The following SRCIN1 variants were observed in gnomAD, a reference collection of about 807,000 sequenced individuals.
SRCIN1 encodes SRC kinase signaling inhibitor 1.
SRCIN1 carries 50 observed loss-of-function variants against 116.2 expected under a neutral mutation model. That is an observed-to-expected ratio of 0.43 (90% CI 0.34 to 0.54). The LOEUF is 0.54. SRCIN1 is among the 20% of genes least tolerant of loss of function. The pLI is 0.02. For missense variants in SRCIN1, 1,446 were observed against 1,672.0 expected, an observed-to-expected ratio of 0.86 and a Z score of 2.36; for synonymous variants, 736 against 750.0, an observed-to-expected ratio of 0.98 and a Z score of 0.30.
At chr17:38,588,543 C>G (rs1194084484) in intron 1 of SRCIN1, among the ~76,000 whole-genome samples, 1 of 142,966 alleles carries the variant, frequency 7.0e-6, no homozygotes, top group Non-Finnish European at 1.5e-5. Context: ...GGGAGGAAGG[C>G]CGGTGCCTGT....
intron 2 of SRCIN1, among the ~76,000 whole-genome samples, chr17:38,576,112 T>A (rs576442454): frequency 1.6e-3 from 238 of 152,232 alleles, no homozygotes; most frequent in African/African-American, 5.3e-3. Flanking sequence ...CCCTTAGACA[T>A]GCCTATGCCT....
chr17:38,576,445 T>C (rs1209806049), intron 2 of SRCIN1, among the ~76,000 whole-genome samples: 1 of 152,022 alleles, frequency 6.6e-6, no homozygotes, highest in Non-Finnish European at 1.5e-5. Flanking sequence ...ATGTAGAACA[T>C]TCCTGGTCCC....
chr17:38,548,933 C>T, intron 16 of SRCIN1, 123 bp downstream of exon 16: 2 of 1,305,028 alleles, frequency 1.5e-6, no homozygotes, highest in Non-Finnish European at 2.1e-6. Context: ...CCGGCCACTC[C>T]CTCTTTCCTT....
chr17:38,535,358 G>A (rs960667745), intron 18 of SRCIN1, among the ~76,000 whole-genome samples: 4 of 151,854 alleles, frequency 2.6e-5, no homozygotes, highest in Non-Finnish European at 5.9e-5. Flanking sequence ...ACAGGCATGC[G>A]CCACCACGCC....
chr17:38,591,361 C>T (rs553886299), intron 1 of SRCIN1, among the ~76,000 whole-genome samples: 66 of 152,266 alleles, frequency 4.3e-4, no homozygotes, highest in South Asian at 1.0e-3. Context: ...TGAACCGGAA[C>T]CTTCTGTCAT....
At chr17:38,605,994 C>CGCGCGCGCGGCGCGG (rs917415957), upstream of SRCIN1, 1 of 138,394 alleles carries the variant, frequency 7.2e-6, no homozygotes, top group Non-Finnish European at 1.6e-5. Flanking sequence ...TGCGGGCGGG[C>CGCGCGCGCGGCGCGG]GCGCGCGCGG....
At chr17:38,603,044 A>G (rs1183544673) in intron 1 of SRCIN1, among the ~76,000 whole-genome samples, 1 of 152,200 alleles carries the variant, frequency 6.6e-6, no homozygotes, top group Non-Finnish European at 1.5e-5. Flanking sequence ...CAAGGTTGGC[A>G]TAGGCAGATG....
rs905528296 is a variant in SRCIN1 at position 38,531,458 on chromosome 17, T to C, written c.*1839A>G. ...GTATATTATATATATAATATGTAAA[T>C]ATATTTTTAAAACAATATAAAATGT... On this transcript the variant is annotated 3_prime_UTR_variant, in exon 19 of 19. Transcript: ENST00000617146. 2 of 147,018 alleles carry C rather than the reference T, an allele frequency of 1.4e-5. No homozygotes were observed. The highest frequency in any genetic ancestry group is 1.4e-4 in the Admixed American group (2 of 14,648). 9.1% of individuals were successfully genotyped at this position (147,018 alleles called of 1,614,324 possible). A position where few individuals can be genotyped will look rare whatever the true frequency, so the allele number is the denominator to read the frequency against.
At position 38,558,363 on chromosome 17, in the gene SRCIN1, T is replaced by C. The variant is rs1361981960; in HGVS notation, c.2065A>G (p.Thr689Ala). 3 of 1,607,344 alleles carry C rather than the reference T, an allele frequency of 1.9e-6. No homozygotes were observed. In the South Asian group the frequency reaches 3.3e-5, roughly 18 times the overall value. The change falls in exon 11 of 19, where the codon ACG becomes GCG. Residue 689 changes from threonine (T) to alanine (A), a missense_variant. Physicochemically the swap from Thr to Ala is moderately conservative, Grantham distance 58. This residue lies in a region of SRCIN1 where 398 missense variants were observed against 385.6 expected (regional missense o/e 1.03). Transcript: ENST00000617146. The surrounding 1 kb of genome is among the most constrained non-coding windows in gnomAD (Gnocchi z 4.6). ...QESVRALLKR[T>A]EAELSMRVSE... Reference sequence around the variant, plus strand: ...ACGCGCATGCTCAGCTCTGCCTCCGTGCGCTTCAGCAGCGCGCGCACCGAC... The same window carrying C: ...ACGCGCATGCTCAGCTCTGCCTCCGCGCGCTTCAGCAGCGCGCGCACCGAC...
At chr17:38,540,375 TGAAG>T (rs1904652188) in intron 18 of SRCIN1, among the ~76,000 whole-genome samples, 1 of 152,208 alleles carries the variant, frequency 6.6e-6, no homozygotes, top group Non-Finnish European at 1.5e-5. Context: ...ACTCACTGGA[TGAAG>T]GAGAGGCCTT....
intron 15 of SRCIN1, among the ~76,000 whole-genome samples, chr17:38,550,499 C>CAATA (rs35376684): frequency 0.075 from 11,348 of 151,776 alleles, 426 homozygotes; most frequent in Middle Eastern, 0.092. Context: ...GTCTCAAAAA[C>CAATA]AATAAATAAA....
rs887817155 is a variant in SRCIN1 at position 38,544,079 on chromosome 17, T to C, written c.3271-110A>G. 236 of 1,334,676 alleles carry C rather than the reference T, an allele frequency of 1.8e-4. 2 individuals are homozygous for C. The highest frequency in any genetic ancestry group is 6.4e-5 in the Non-Finnish European group (64 of 1,001,240). The allele number at this position is 1,334,676 out of a possible 1,614,324, so 82.7% of individuals were successfully genotyped here. A position where few individuals can be genotyped will look rare whatever the true frequency, so the allele number is the denominator to read the frequency against. On this transcript the variant is annotated intron_variant, in intron 17 of 18. Transcript: ENST00000617146. The surrounding 1 kb of genome is among the most constrained non-coding windows in gnomAD (Gnocchi z 4.5). ...GGCTGGGACCTCCTCAGTGGGGCCCTTTGAGACCTGGAGACCCCTCTCTAG... is the reference window on the plus strand; with the variant it reads ...GGCTGGGACCTCCTCAGTGGGGCCCCTTGAGACCTGGAGACCCCTCTCTAG...
intron 1 of SRCIN1, among the ~76,000 whole-genome samples, chr17:38,580,572 G>A (rs1235003284): frequency 6.6e-6 from 1 of 152,220 alleles, no homozygotes; most frequent in Non-Finnish European, 1.5e-5. Flanking sequence ...CTGAATGGAA[G>A]AGGCCTGATT....
chr17:38,544,412 T>C lies in SRCIN1; in HGVS notation c.3271-443A>G, dbSNP rs551841941. The stretch of plus-strand genomic sequence containing the variant: ...CAGCCCCAGGCCCACATCCTCCTCC[T>C]AAGGGGAGGATGCAGGTGAGGTCTC... On this transcript the variant is annotated intron_variant, in intron 17 of 18. Transcript: ENST00000617146. The surrounding 1 kb of genome is among the most constrained non-coding windows in gnomAD (Gnocchi z 4.5). Among the ~76,000 whole-genome samples, 56 of 152,112 alleles carry C rather than the reference T, an allele frequency of 3.7e-4. No individual in the cohort carries two copies. The Middle Eastern group carries it at 0.01, about 28-fold the overall frequency.
rs2040932940 is a variant in SRCIN1, at chr17:38,532,278, C to T, written c.*1019G>A. 1 of 152,572 alleles carries T rather than the reference C, an allele frequency of 6.6e-6. No homozygotes were observed. Among genetic ancestry groups the T allele is most frequent in the Non-Finnish European group, 1.5e-5 (1 of 68,072 alleles). The allele number at this position is 152,572 out of a possible 1,614,324, so 9.5% of individuals were successfully genotyped here. A position where few individuals can be genotyped will look rare whatever the true frequency, so the allele number is the denominator to read the frequency against. ...GGTCCCAGGTGTCTTCAGTGCTCCC[C>T]GTCAAGCCCCTCTCGACCCTCCCAT... On this transcript the variant is annotated 3_prime_UTR_variant, in exon 19 of 19. Coordinates refer to ENST00000617146, the MANE Select transcript of SRCIN1 (RefSeq NM_025248.3). The surrounding 1 kb of genome is among the most constrained non-coding windows in gnomAD (Gnocchi z 4.3).
intron 11 of SRCIN1, among the ~76,000 whole-genome samples, chr17:38,553,210 T>C (rs1905562784): frequency 6.6e-6 from 1 of 152,226 alleles, no homozygotes. Flanking sequence ...TGAGCCGTGA[T>C]TGTGCCACTG....
At chr17:38,598,903 A>G (rs758181264) in intron 1 of SRCIN1, among the ~76,000 whole-genome samples, 4 of 151,876 alleles carry the variant, frequency 2.6e-5, no homozygotes, top group African/African-American at 4.8e-5. Flanking sequence ...TCCTCTAGCC[A>G]CTCCCTTCTC....
Position 38,548,594 on chromosome 17 carries a change from T to A in SRCIN1, c.3233A>T (p.Asp1078Val), listed in dbSNP as rs1367425233. Residue 1078 changes from aspartate to valine, a missense_variant, in exon 17 of 19, where the codon GAC becomes GTC. This residue lies in a region of SRCIN1 where 531 missense variants were observed against 633.9 expected (regional missense o/e 0.84). Transcript: ENST00000617146. Reference sequence around the variant, plus strand: ...GATGATGCGATCCTCGTCATCCTCGTCCTTGATGGCCGAGGCCATGATGGG... The same window carrying A: ...GATGATGCGATCCTCGTCATCCTCGACCTTGATGGCCGAGGCCATGATGGG... ...TPPIMASAIK[D>V]EDDEDRIIAE... 6.2e-7 allele frequency: 1 copy of A among 1,612,882 alleles called. No individual in the cohort carries two copies. Among genetic ancestry groups the A allele is most frequent in the Non-Finnish European group, 8.5e-7 (1 of 1,179,790 alleles).
chr17:38,532,896 T>G lies in SRCIN1; in HGVS notation c.*401A>C. On this transcript the variant is annotated 3_prime_UTR_variant, in exon 19 of 19. Coordinates refer to ENST00000617146, the MANE Select transcript of SRCIN1 (RefSeq NM_025248.3). This position sits in a 1 kb window ranked among gnomAD's most constrained non-coding sequence, Gnocchi z 4.3. ...CAAGTCTCCGTGGTTCAGAGTTTGT[T>G]TGGAGTATTCTTGGGAAGTGAGGGG... 6.4e-6 allele frequency: 1 copy of G among 156,542 alleles called. No homozygotes were observed. Among genetic ancestry groups the G allele is most frequent in the Non-Finnish European group, 1.4e-5 (1 of 71,400 alleles). The allele number at this position is 156,542 out of a possible 1,614,324, so 9.7% of individuals were successfully genotyped here. A position where few individuals can be genotyped will look rare whatever the true frequency, so the allele number is the denominator to read the frequency against.
Sources: gnomAD v4.1 joint callset for allele counts (sites outside exome capture counted in the v4.1 genomes callset) on GRCh38, gnomAD v4.1.1 for gene constraint, gnomAD v4.1.1 regional missense constraint, Gnocchi (gnomAD v3.1) non-coding constraint, MANE v1.5 for transcripts, NCBI Gene and HGNC (gene_info 2026-07-23, HGNC 2026-07-21) for gene names.